Variants in DRC7 observed in about 807,000 individuals in gnomAD.
DRC7 encodes the protein dynein regulatory complex subunit 7, also known as coiled-coil domain containing 135.
Under a neutral mutation model 104.4 loss-of-function variants are expected in DRC7, and 80 were observed. The observed-to-expected ratio is 0.77, with a 90% CI of 0.64 to 0.92. DRC7 has a LOEUF of 0.92. Among genes scored for constraint, DRC7 ranks in the 40% least tolerant of loss-of-function variants. The pLI is 0.00. For missense variants in DRC7, 1,034 were observed against 1,141.1 expected (o/e 0.91, Z 1.35); for synonymous variants, 405 against 447.3 (o/e 0.91, Z 1.19).
chr16:57,697,889 G>A (rs2048613058), intron 2 of DRC7, 24 bp from the exon 3 acceptor site: 4 of 1,572,496 alleles, frequency 2.5e-6, no homozygotes, highest in South Asian at 1.2e-5. Flanking sequence ...GTCGGCCATG[G>A]AGTATACTTA....
chr16:57,706,272 C>T (rs1369134585), intron 7 of DRC7, among the ~76,000 whole-genome samples: 6 of 135,246 alleles, frequency 4.4e-5, no homozygotes, highest in Admixed American at 7.4e-5. Context: ...AACTATCCAT[C>T]CTCCCATCCA....
chr16:57,729,655 G>T (rs1206557550), intron 17 of DRC7, among the ~76,000 whole-genome samples: 1 of 73,324 alleles, frequency 1.4e-5, no homozygotes, highest in African/African-American at 7.5e-5. Flanking sequence ...GGGTGGGTGG[G>T]TGGATGGATG....
Position 57,726,199 on chromosome 16 carries a change from C to T in DRC7, c.1890C>T (p.Ser630=). The change falls in exon 14 of 19, where the codon TCC becomes TCT. Residue 630 remains serine (S), a synonymous_variant. Transcript: ENST00000360716. ...YHCREDHITA[S]KREFLRRTEV... Reference sequence around the variant, plus strand: ...GCCGTGAGGACCACATCACGGCCTCCAAGCGCGAGTTCCTGCGGCGCACCG... The same window carrying T: ...GCCGTGAGGACCACATCACGGCCTCTAAGCGCGAGTTCCTGCGGCGCACCG... 6.2e-7 allele frequency: 1 copy of T among 1,613,240 alleles called. No homozygotes were observed. The highest frequency in any genetic ancestry group is 8.5e-7 in the Non-Finnish European group (1 of 1,179,998).
Position 57,731,153 on chromosome 16 carries a change from C to T in DRC7, c.2532-12C>T, listed in dbSNP as rs1406360214. 2 of 1,613,858 alleles carry T rather than the reference C, an allele frequency of 1.2e-6. No individual in the cohort carries two copies. Among genetic ancestry groups the T allele is most frequent in the South Asian group, 2.2e-5 (2 of 91,080 alleles). On this transcript the variant is annotated splice_polypyrimidine_tract_variant and intron_variant, in intron 18 of 18. Transcript: ENST00000360716. ...AACCCCTCACCCTCTTTCCTTGCCT[C>T]TCTGACTTCAGACACAAGGAACTGG...
In DRC7 at chr16:57,726,046, T is replaced by G. The variant is rs748552274; in HGVS notation, c.1759-22T>G. On this transcript the variant is annotated intron_variant, in intron 13 of 18. Transcript: ENST00000360716. ...TCACACGCTCATCCTTTGCTCATCC[T>G]TTGCATGTTCTGGCCTCCCAGAAAA... 5.0e-6 allele frequency: 8 copies of G among 1,604,694 alleles called. No homozygotes were observed. The Admixed American group carries it at 1.2e-4, about 24-fold the overall frequency.
At chr16:57,722,593 T>C (rs2048915002) in intron 10 of DRC7, 120 bp from the exon 11 acceptor site, 6 of 1,370,676 alleles carry the variant, frequency 4.4e-6, no homozygotes, top group Non-Finnish European at 6.0e-6. Context: ...TGGATCAGGC[T>C]TGGGGCTGGA....
intron 8 of DRC7, among the ~76,000 whole-genome samples, chr16:57,717,502 C>T (rs1223725045): frequency 3.3e-5 from 5 of 151,506 alleles, no homozygotes; most frequent in Non-Finnish European, 5.9e-5. Context: ...AGTTCGAAAC[C>T]AGCCTGGCCA....
chr16:57,719,301 G>A (rs1179535137), intron 9 of DRC7, among the ~76,000 whole-genome samples: 5 of 152,186 alleles, frequency 3.3e-5, no homozygotes, highest in Non-Finnish European at 7.3e-5. Context: ...GCATCACAAA[G>A]CACCACAGAT....
chr16:57,705,677 A>G (rs1410233111), intron 7 of DRC7, among the ~76,000 whole-genome samples: 1 of 119,964 alleles, frequency 8.3e-6, no homozygotes, highest in East Asian at 2.8e-4. Context: ...CTTCCCATCC[A>G]TCCATCCATC....
At chr16:57,705,700 C>T (rs1289785523) in intron 7 of DRC7, among the ~76,000 whole-genome samples, 10 of 136,920 alleles carry the variant, frequency 7.3e-5, no homozygotes, top group African/African-American at 2.2e-4. Flanking sequence ...CCCATTTATC[C>T]TCCCATCCAT....
At chr16:57,720,572 A>G (rs905055655) in intron 9 of DRC7, among the ~76,000 whole-genome samples, 8 of 152,192 alleles carry the variant, frequency 5.3e-5, no homozygotes, top group African/African-American at 1.7e-4. Context: ...CTGGCCCAAG[A>G]GCCCTCATTA....
At position 57,697,991 on chromosome 16, in the gene DRC7, C is replaced by T. The variant is rs752956898; in HGVS notation, c.42C>T (p.Ala14=). ...AGAAGGTGGAGGAGGAGGAGGAGGC[C>T]GAGCGGGAGGAGGCGGCCGAGTGGG... The part of the protein sequence containing the change: ...LREKVEEEEE[A]EREEAAEWAE... The change falls in exon 3 of 19, where the codon GCC becomes GCT. Residue 14 remains alanine, a synonymous_variant. Transcript: ENST00000360716. 17 of 1,613,214 alleles carry T rather than the reference C, an allele frequency of 1.1e-5. No individual in the cohort carries two copies. The highest frequency in any genetic ancestry group is 3.3e-5 in the Admixed American group (2 of 59,984).
Position 57,731,021 on chromosome 16 carries a change from T to G in DRC7, c.2482T>G (p.Cys828Gly), listed in dbSNP as rs971319281. 8 of 1,613,546 alleles carry G rather than the reference T, an allele frequency of 5.0e-6. No individual in the cohort carries two copies. Among genetic ancestry groups the G allele is most frequent in the Non-Finnish European group, 6.8e-6 (8 of 1,179,948 alleles). The change falls in exon 18 of 19, where the codon TGC becomes GGC. Residue 828 changes from cysteine (C) to glycine (G), a missense_variant. By Grantham distance (159) the Cys-to-Gly change is radical. Transcript: ENST00000360716. The part of the protein sequence containing the change: ...PEDEDLYLSY[C>G]SQAMFRIRIL... ...GGATGAAGACCTGTACCTGAGTTACTGCTCTCAGGCCATGTTCCGCATCCG... is the reference window on the plus strand; with the variant it reads ...GGATGAAGACCTGTACCTGAGTTACGGCTCTCAGGCCATGTTCCGCATCCG...
intron 1 of DRC7, among the ~76,000 whole-genome samples, chr16:57,696,114 A>G (rs749076669): frequency 1.6e-4 from 25 of 152,160 alleles, no homozygotes; most frequent in Non-Finnish European, 2.9e-4. Context: ...CGTAAGGAAA[A>G]CAGATGTTCG....
chr16:57,721,317 T>G (rs547065329), intron 9 of DRC7, among the ~76,000 whole-genome samples: 1 of 152,176 alleles, frequency 6.6e-6, no homozygotes, highest in Non-Finnish European at 1.5e-5. Flanking sequence ...TTAAGAAAAC[T>G]AAGGCTTAGA....
Position 57,707,510 on chromosome 16 carries a change from C to T in DRC7, c.909C>T (p.Ser303=), listed in dbSNP as rs2048744818. ...CCCTGCACGGCCTGCGGGTGCACTC[C>T]TGGGTCCTTGTGCTATCGGGGAAGC... ...PDALHGLRVH[S]WVLVLSGKRE... The change falls in exon 8 of 19, where the codon TCC becomes TCT. Residue 303 remains serine, a synonymous_variant. Transcript: ENST00000360716. 5.6e-6 allele frequency: 9 copies of T among 1,613,468 alleles called. No individual in the cohort carries two copies. The highest frequency in any genetic ancestry group is 7.6e-6 in the Non-Finnish European group (9 of 1,180,026).
intron 14 of DRC7, 83 bp downstream of exon 14, chr16:57,726,366 C>T: frequency 8.5e-7 from 1 of 1,179,562 alleles, no homozygotes; most frequent in Non-Finnish European, 1.2e-6. Context: ...CTTGGGAGAA[C>T]CAGGATGGGC....
At chr16:57,696,104 C>T (rs556812530) in intron 1 of DRC7, among the ~76,000 whole-genome samples, 4 of 152,168 alleles carry the variant, frequency 2.6e-5, no homozygotes, top group Non-Finnish European at 4.4e-5. Flanking sequence ...CCCCATTTGC[C>T]GTAAGGAAAA....
chr16:57,699,729 C>T (rs1159026573), intron 4 of DRC7, among the ~76,000 whole-genome samples: 1 of 152,084 alleles, frequency 6.6e-6, no homozygotes, highest in Non-Finnish European at 1.5e-5. Context: ...TCCCAGGAAC[C>T]CCAGGAAACA....
Sources: allele counts gnomAD v4.1 joint callset (sites outside exome capture counted in the v4.1 genomes callset), GRCh38; gene constraint gnomAD v4.1.1; transcripts MANE v1.5; gene names NCBI Gene and HGNC (gene_info 2026-07-23, HGNC 2026-07-21).